The following MACROD2 variants were observed in gnomAD, a reference collection of about 807,000 sequenced individuals.
The protein encoded by MACROD2 is mono-ADP ribosylhydrolase 2.
Under a neutral mutation model 70.4 loss-of-function variants are expected in MACROD2, and 36 were observed. The ratio of observed to expected loss-of-function variants is 0.51; its 90% CI spans 0.39 to 0.68. The LOEUF (loss-of-function observed/expected upper bound fraction) is 0.68. MACROD2 is among the 30% of genes least tolerant of loss of function. MACROD2 has a pLI of 0.00. For synonymous variants in MACROD2, 172 were observed against 178.8 expected (o/e 0.96, Z 0.30); for missense variants, 496 against 538.4 (o/e 0.92, Z 0.78).
chr20:15,171,387 T>TTGTGTCTCTCTTTCTCCA (rs991886903), intron 5 of MACROD2, among the ~76,000 whole-genome samples: 5 of 150,160 alleles, frequency 3.3e-5, no homozygotes, highest in African/African-American at 1.2e-4. Flanking sequence ...ACCTTTCTCC[T>TTGTGTCTCTCTTTCTCCA]TGTGTCTCTC....
At chr20:15,427,328 T>C (rs2046311519) in intron 6 of MACROD2, among the ~76,000 whole-genome samples, 1 of 152,200 alleles carries the variant, frequency 6.6e-6, no homozygotes, top group South Asian at 2.1e-4. Context: ...CATGATTGAT[T>C]CCAAGACAGA....
chr20:15,775,482 G>C (rs1360283675), intron 8 of MACROD2, among the ~76,000 whole-genome samples: 1 of 152,118 alleles, frequency 6.6e-6, no homozygotes, highest in Non-Finnish European at 1.5e-5. Context: ...TGATTAGCAA[G>C]GGAGGGGGTA....
At position 14,102,766 on chromosome 20, in the gene MACROD2, AGGATATATGG is replaced by A. The variant is rs996604206; in HGVS notation, c.271+17056_271+17065del. Reference sequence around the variant, plus strand: ...TGATATAGGATGGGGATTGGGATATAGGATATATGGGGATATATGGGGATATAGGATGGGG... The same window carrying A: ...TGATATAGGATGGGGATTGGGATATAGGATATATGGGGATATAGGATGGGG... On this transcript the variant is annotated intron_variant, in intron 3 of 17. Transcript: ENST00000684519. Among the ~76,000 whole-genome samples, 30 of 152,252 alleles carry A rather than the reference AGGATATATGG, an allele frequency of 2.0e-4. 1 individual carries two copies. The highest frequency in any genetic ancestry group is 6.8e-3 in the Middle Eastern group (2 of 294).
Position 15,495,220 on chromosome 20 carries a change from C to T in MACROD2, c.572-4554C>T, listed in dbSNP as rs1424470327. Among the ~76,000 whole-genome samples the T allele has an allele frequency of 3.3e-5, 5 of 152,172 alleles. No individual in the cohort carries two copies. In the East Asian group the frequency reaches 5.8e-4, roughly 18 times the overall value. On this transcript the variant is annotated intron_variant, in intron 7 of 17. Transcript: ENST00000684519. ...TGGAAGTCCATCCCTAGGCTAAAAT[C>T]TGTCTTTGTCTATTCATTGGTCTTA...
chr20:14,192,269 C>T (rs1199899301), intron 3 of MACROD2, among the ~76,000 whole-genome samples: 1 of 151,900 alleles, frequency 6.6e-6, no homozygotes, highest in East Asian at 1.9e-4. Context: ...CTTGAGGATA[C>T]CTTCTTGAGG....
intron 3 of MACROD2, among the ~76,000 whole-genome samples, chr20:14,297,543 G>A (rs2082437612): frequency 6.6e-6 from 1 of 152,076 alleles, no homozygotes; most frequent in African/African-American, 2.4e-5. Flanking sequence ...ATTCCCTTAA[G>A]CTGAAGCCTA....
intron 3 of MACROD2, among the ~76,000 whole-genome samples, chr20:14,492,743 A>G (rs1439623203): frequency 1.3e-5 from 2 of 152,140 alleles, no homozygotes; most frequent in Non-Finnish European, 1.5e-5. Flanking sequence ...AGTATAGTGT[A>G]TATTGAATTA....
intron 5 of MACROD2, among the ~76,000 whole-genome samples, chr20:15,041,546 C>T (rs1301041138): frequency 6.6e-6 from 1 of 152,026 alleles, no homozygotes; most frequent in Admixed American, 6.6e-5. Context: ...ATCCTCCCAC[C>T]TCAGTCTCCT....
At chr20:14,786,070 A>G (rs2072367322) in intron 5 of MACROD2, among the ~76,000 whole-genome samples, 1 of 152,056 alleles carries the variant, frequency 6.6e-6, no homozygotes, top group African/African-American at 2.4e-5. Flanking sequence ...ACAGACATAC[A>G]CAATATTGCT....
At chr20:14,387,544 T>C (rs1018471991) in intron 3 of MACROD2, among the ~76,000 whole-genome samples, 2 of 152,150 alleles carry the variant, frequency 1.3e-5, no homozygotes, top group Non-Finnish European at 2.9e-5. Context: ...CCCAATAGGG[T>C]TGAAAGAATG....
chr20:14,170,046 A>G (rs1426236025), intron 3 of MACROD2, among the ~76,000 whole-genome samples: 1 of 152,108 alleles, frequency 6.6e-6, no homozygotes, highest in Non-Finnish European at 1.5e-5. Flanking sequence ...GGCGCATGCC[A>G]CCATGCCCAG....
rs148735236 is a variant in MACROD2, at chr20:16,004,197, C to T, written c.1153+17039C>T. Among the ~76,000 whole-genome samples the T allele has an allele frequency of 3.4e-3, 516 of 152,266 alleles. 1 individual carries two copies. The highest frequency in any genetic ancestry group is 0.012 in the African/African-American group (495 of 41,560). On this transcript the variant is annotated intron_variant, in intron 15 of 17. Transcript: ENST00000684519. ...AGGACCTCTTCCCGACTCCAACCCA[C>T]AGTATGTCGGAGATCAGCCACTTAT... is the stretch of plus-strand genomic sequence containing the variant.
At chr20:15,127,219 T>C (rs1459482405) in intron 5 of MACROD2, among the ~76,000 whole-genome samples, 1 of 151,984 alleles carries the variant, frequency 6.6e-6, no homozygotes, top group Non-Finnish European at 1.5e-5. Context: ...TTCATCAGAG[T>C]GCAGTAGAAG....
intron 7 of MACROD2, among the ~76,000 whole-genome samples, chr20:15,467,051 A>G (rs960774876): frequency 6.6e-6 from 1 of 152,178 alleles, no homozygotes; most frequent in Non-Finnish European, 1.5e-5. Context: ...CCATGTCCAT[A>G]CAACCTGACA....
At chr20:14,841,609 T>C (rs58564368) in intron 5 of MACROD2, among the ~76,000 whole-genome samples, 84 of 152,250 alleles carry the variant, frequency 5.5e-4, no homozygotes, top group African/African-American at 1.9e-3. Context: ...TTGTAGGTGA[T>C]CAGATAGAAG....
Position 15,768,849 on chromosome 20 carries a change from A to G in MACROD2, c.646-93896A>G, listed in dbSNP as rs540695714. 5.3e-4 allele frequency among the ~76,000 whole-genome samples: 80 copies of G among 152,158 alleles called. No homozygotes were observed. The South Asian group carries it at 0.014, about 26-fold the overall frequency. On this transcript the variant is annotated intron_variant, in intron 8 of 17. Transcript: ENST00000684519. ...TTTTCACTTTTCAGACTTTTTCGTT[A>G]AAAACTAAAACAAAAATACACACGT...
At chr20:15,804,993 G>A (rs1025598312) in intron 8 of MACROD2, among the ~76,000 whole-genome samples, 12 of 152,264 alleles carry the variant, frequency 7.9e-5, no homozygotes, top group Admixed American at 4.6e-4. Flanking sequence ...GATTGCACTC[G>A]CGTTGCCCAC....
chr20:15,479,910 A>T (rs1376523445), intron 7 of MACROD2, among the ~76,000 whole-genome samples: 1 of 152,228 alleles, frequency 6.6e-6, no homozygotes, highest in Non-Finnish European at 1.5e-5. Flanking sequence ...AAACACCTAT[A>T]TGCATGAATA....
chr20:14,063,916 A>G (rs1408680033), intron 2 of MACROD2, among the ~76,000 whole-genome samples: 1 of 152,078 alleles, frequency 6.6e-6, no homozygotes, highest in Non-Finnish European at 1.5e-5. Flanking sequence ...TTGTGGAGAC[A>G]GGGTTTCACC....
Sources: allele counts gnomAD v4.1 joint callset (sites outside exome capture counted in the v4.1 genomes callset), GRCh38; gene constraint gnomAD v4.1.1; transcripts MANE v1.5; gene names NCBI Gene and HGNC (gene_info 2026-07-23, HGNC 2026-07-21).